CEMIP2: variants seen among roughly 807,000 people sequenced by gnomAD.
CEMIP2 encodes cell migration inducing hyaluronidase 2.
In CEMIP2, 79 loss-of-function variants were observed where a neutral mutation model predicts 146.9. The observed-to-expected ratio is 0.54, with a 90% CI of 0.45 to 0.65. The LOEUF is 0.65. Among genes scored for constraint, CEMIP2 ranks in the 30% least tolerant of loss-of-function variants. CEMIP2 has a pLI of 0.00. For synonymous variants in CEMIP2, 601 were observed against 606.3 expected (o/e 0.99, Z 0.13); for missense variants, 1,596 against 1,696.2 (o/e 0.94, Z 1.04).
At chr9:71,740,620 C>G (rs1351060454) in intron 4 of CEMIP2, among the ~76,000 whole-genome samples, 4 of 152,144 alleles carry the variant, frequency 2.6e-5, no homozygotes, top group Non-Finnish European at 4.4e-5. Flanking sequence ...TCTCAAAAAT[C>G]TAATTGCATA....
intron 9 of CEMIP2, 33 bp from the exon 10 acceptor site, chr9:71,729,947 T>A (rs769728876): frequency 6.2e-7 from 1 of 1,613,634 alleles, no homozygotes; most frequent in Non-Finnish European, 8.5e-7. Context: ...ATTTAAACAT[T>A]CTTCATAAAA....
chr9:71,722,608 C>A, intron 11 of CEMIP2, 93 bp from the exon 12 acceptor site: 2 of 971,154 alleles, frequency 2.1e-6, no homozygotes, highest in Non-Finnish European at 3.0e-6. Flanking sequence ...TAGCTTATCA[C>A]TTCTACCAAA....
chr9:71,694,554 T>C lies in CEMIP2; in HGVS notation c.3651A>G (p.Ser1217=), dbSNP rs1280039368. Residue 1217 remains serine (S), a synonymous_variant, in exon 21 of 24, where the codon TCA becomes TCG. Transcript: ENST00000377044. ...CACGCTGGGTTTCTGCTTTATCAGGTGACTGGAATTGCACAGGGAGGTAAC... is the reference window on the plus strand; with the variant it reads ...CACGCTGGGTTTCTGCTTTATCAGGCGACTGGAATTGCACAGGGAGGTAAC... ...HKSYLPVQFQ[S]PDKAETQRGD... The C allele has an allele frequency of 2.5e-6, 4 of 1,613,854 alleles. No homozygotes were observed. In the African/African-American group the frequency reaches 5.3e-5, roughly 22 times the overall value.
chr9:71,692,156 C>A (rs1822247983), intron 21 of CEMIP2, among the ~76,000 whole-genome samples: 1 of 151,318 alleles, frequency 6.6e-6, no homozygotes, highest in South Asian at 2.1e-4. Context: ...TAATGCAATC[C>A]CAGATCTTAG....
At chr9:71,755,568 A>G (rs1824411789) in intron 1 of CEMIP2, among the ~76,000 whole-genome samples, 1 of 151,980 alleles carries the variant, frequency 6.6e-6, no homozygotes, top group Non-Finnish European at 1.5e-5. Context: ...ATAAAATTAA[A>G]TAAATAAAGG....
chr9:71,761,081 G>C (rs1156354519), intron 1 of CEMIP2, among the ~76,000 whole-genome samples: 1 of 152,218 alleles, frequency 6.6e-6, no homozygotes, highest in Non-Finnish European at 1.5e-5. Context: ...GCAGTGCAGA[G>C]GCACACAATG....
intron 8 of CEMIP2, 138 bp downstream of exon 8, chr9:71,730,567 C>G (rs753278380): frequency 1.1e-6 from 1 of 871,974 alleles, no homozygotes; most frequent in African/African-American, 1.7e-5. Context: ...ACAGAAAAAT[C>G]GTGGAATGCT....
At position 71,745,145 on chromosome 9, in the gene CEMIP2, A is replaced by G. The variant is rs748278682; in HGVS notation, c.907T>C (p.Phe303Leu). ...GCAACAATCCGACCTGGATCCTGGAATCTCAGAAACTCCTGAAGCCGCCTG... is the reference window on the plus strand; with the variant it reads ...GCAACAATCCGACCTGGATCCTGGAGTCTCAGAAACTCCTGAAGCCGCCTG... ...ESRRLQEFLR[F>L]QDPGRIVAIA... is the part of the protein sequence containing the mutation. Residue 303 changes from phenylalanine (F) to leucine (L), a missense_variant, in exon 4 of 24, where the codon TTC (phenylalanine) becomes CTC (leucine). By Grantham distance (22) the Phe-to-Leu change is conservative. Coordinates refer to ENST00000377044, the MANE Select transcript of CEMIP2 (RefSeq NM_013390.3). 35 of 1,613,952 alleles carry G rather than the reference A, an allele frequency of 2.2e-5. No homozygotes were observed. Among genetic ancestry groups the G allele is most frequent in the Non-Finnish European group, 2.9e-5 (34 of 1,180,006 alleles).
intron 4 of CEMIP2, among the ~76,000 whole-genome samples, chr9:71,743,669 G>C (rs189228138): frequency 1.4e-4 from 21 of 152,100 alleles, no homozygotes; most frequent in Middle Eastern, 6.8e-3. Flanking sequence ...CATCTATTTA[G>C]GTCTCTGTTT....
intron 16 of CEMIP2, among the ~76,000 whole-genome samples, chr9:71,710,256 T>G (rs1822868577): frequency 6.6e-6 from 1 of 152,230 alleles, no homozygotes; most frequent in Non-Finnish European, 1.5e-5. Context: ...AGCTGCTTCT[T>G]ATTAGCAGTA....
At chr9:71,740,651 T>C (rs949309666) in intron 4 of CEMIP2, among the ~76,000 whole-genome samples, 8 of 152,244 alleles carry the variant, frequency 5.3e-5, no homozygotes, top group African/African-American at 9.6e-5. Context: ...CCAGGGAGTT[T>C]GAAAAATATA....
intron 8 of CEMIP2, among the ~76,000 whole-genome samples, 185 bp from the exon 9 acceptor site, chr9:71,730,438 A>C (rs1031384427): frequency 6.6e-6 from 1 of 152,142 alleles, no homozygotes; most frequent in African/African-American, 2.4e-5. Flanking sequence ...TGGGTCCCAC[A>C]GGGGAAAAAA....
intron 7 of CEMIP2, among the ~76,000 whole-genome samples, chr9:71,731,465 A>AGT (rs1347369576): frequency 6.6e-6 from 1 of 152,184 alleles, no homozygotes; most frequent in African/African-American, 2.4e-5. Context: ...GGCGGGGTAC[A>AGT]GTGGCTCACA....
At chr9:71,724,657 C>T (rs1023390428) in intron 11 of CEMIP2, among the ~76,000 whole-genome samples, 12 of 152,162 alleles carry the variant, frequency 7.9e-5, no homozygotes, top group African/African-American at 2.4e-4. Context: ...CACCAGGGGG[C>T]GAAGGGTTAG....
intron 4 of CEMIP2, among the ~76,000 whole-genome samples, chr9:71,744,330 G>T (rs1270547500): frequency 6.6e-6 from 1 of 152,092 alleles, no homozygotes; most frequent in East Asian, 1.9e-4. Flanking sequence ...AGATACGATT[G>T]TACCACTGCA....
rs778169151 is a variant in CEMIP2, at chr9:71,690,175, T to A, written c.3768A>T (p.Pro1256=). The change falls in exon 22 of 24, where the codon CCA becomes CCT. Residue 1256 remains proline (P), a synonymous_variant. Coordinates refer to ENST00000377044, the MANE Select transcript of CEMIP2 (RefSeq NM_013390.3). ...AAACCGTTTTTTCCGTCAAGCGGAA[T>A]GGAACGCTGCACGGATCCACAACAA... The part of the protein sequence containing the change: ...LLLVVDPCSV[P]FRLTEKTVFP... The A allele has an allele frequency of 6.2e-7, 1 of 1,614,196 alleles. No individual in the cohort carries two copies. Among genetic ancestry groups the A allele is most frequent in the Admixed American group, 1.7e-5 (1 of 60,030 alleles).
intron 10 of CEMIP2, among the ~76,000 whole-genome samples, chr9:71,728,665 G>C (rs1434402297): frequency 6.6e-6 from 1 of 151,822 alleles, no homozygotes; most frequent in Non-Finnish European, 1.5e-5. Flanking sequence ...GAGTTTTGCT[G>C]CTTTCCCAAG....
Position 71,690,244 on chromosome 9 carries a change from G to A in CEMIP2, c.3699C>T (p.Val1233=). ...TTCGGAAGGTAAAGTCAGTGCCATT[G>A]ACCTGAGAATGCAAAAACATCTTCT... ...TQRGDPSVIS[V]NGTDFTFRSA... Residue 1233 remains valine (V), a splice_region_variant and synonymous_variant, in exon 22 of 24, where the codon GTC becomes GTT. Transcript: ENST00000377044. The A allele has an allele frequency of 1.2e-6, 2 of 1,613,436 alleles. No individual in the cohort carries two copies. The highest frequency in any genetic ancestry group is 1.7e-4 in the Middle Eastern group (1 of 6,038).
chr9:71,730,179 A>T lies in CEMIP2; in HGVS notation c.1848T>A (p.Thr616=). The change falls in exon 9 of 24, where the codon ACT becomes ACA. Residue 616 remains threonine (T), a synonymous_variant. Coordinates refer to ENST00000377044, the MANE Select transcript of CEMIP2 (RefSeq NM_013390.3). ...TGAGGAGTCCCAGATTGTGGAACAA[A>T]GTATTCCTCTGTTCAATACCATCTT... ...FLEDGIEQRN[T]LFHNLGLLTK... The T allele has an allele frequency of 6.2e-7, 1 of 1,614,222 alleles. No homozygotes were observed. Among genetic ancestry groups the T allele is most frequent in the Non-Finnish European group, 8.5e-7 (1 of 1,180,052 alleles).
Sources: gnomAD v4.1 joint callset for allele counts (sites outside exome capture counted in the v4.1 genomes callset) on GRCh38, gnomAD v4.1.1 for gene constraint, MANE v1.5 for transcripts, NCBI Gene and HGNC (gene_info 2026-07-23, HGNC 2026-07-21) for gene names.